The following RIT2 variants were observed in gnomAD, a reference collection of about 807,000 sequenced individuals.
RIT2 encodes the protein Ras like without CAAX 2.
In RIT2, 24 loss-of-function variants were observed where a neutral mutation model predicts 23.7. The ratio of observed to expected loss-of-function variants is 1.01; its 90% CI spans 0.73 to 1.43. The LOEUF (loss-of-function observed/expected upper bound fraction) is 1.43, where lower values mean the gene tolerates loss of function less well. RIT2 is among the 40% of genes most tolerant of loss of function. RIT2 has a pLI of 0.00. For missense variants in RIT2, 236 were observed against 266.9 expected (o/e 0.88, Z 0.81); for synonymous variants, 107 against 91.1 (o/e 1.17, Z -0.99).
intron 4 of RIT2, among the ~76,000 whole-genome samples, chr18:42,854,272 T>C (rs925543198): frequency 6.6e-6 from 1 of 152,326 alleles, no homozygotes; most frequent in Middle Eastern, 3.4e-3. Flanking sequence ...GAGAAGAAGA[T>C]GATATAACCT....
At chr18:42,987,425 G>GA (rs1288274644) in intron 2 of RIT2, among the ~76,000 whole-genome samples, 1 of 152,056 alleles carries the variant, frequency 6.6e-6, no homozygotes, top group African/African-American at 2.4e-5. Flanking sequence ...CTGAAACAAA[G>GA]ACATCCCAAC....
At position 43,077,487 on chromosome 18, in the gene RIT2, T is replaced by G. The variant is rs918528836; in HGVS notation, c.103+37930A>C. Among the ~76,000 whole-genome samples the G allele has an allele frequency of 3.3e-5, 5 of 152,152 alleles. No individual in the cohort carries two copies. The East Asian group carries it at 9.6e-4, about 29-fold the overall frequency. ...ATTCCAAGGAAAAACATCTTCATGT[T>G]GAGTTTAAGCCTGGCCCTTTGTAAC... On this transcript the variant is annotated intron_variant, in intron 1 of 4. Transcript: ENST00000326695.
At chr18:42,871,283 T>G (rs927522216) in intron 4 of RIT2, among the ~76,000 whole-genome samples, 3 of 152,218 alleles carry the variant, frequency 2.0e-5, no homozygotes, top group Admixed American at 6.5e-5. Flanking sequence ...AAAAACTACA[T>G]TTTAAACTAT....
At chr18:42,917,515 C>G (rs1395512209) in intron 4 of RIT2, among the ~76,000 whole-genome samples, 1 of 152,100 alleles carries the variant, frequency 6.6e-6, no homozygotes, top group Non-Finnish European at 1.5e-5. Flanking sequence ...CCCTTTCACT[C>G]AAGCTACCAT....
chr18:42,795,005 T>C (rs1914124711), intron 4 of RIT2, among the ~76,000 whole-genome samples: 1 of 152,228 alleles, frequency 6.6e-6, no homozygotes, highest in East Asian at 1.9e-4. Context: ...TAAATGTTTT[T>C]CTTTTTTTGA....
chr18:43,000,079 T>C (rs1414501466), intron 2 of RIT2, among the ~76,000 whole-genome samples: 29 of 152,252 alleles, frequency 1.9e-4, no homozygotes, highest in Admixed American at 1.6e-3. Flanking sequence ...ATATAGGTGA[T>C]TGACTTGCAA....
intron 4 of RIT2, among the ~76,000 whole-genome samples, chr18:42,879,651 C>T (rs900881467): frequency 6.6e-6 from 1 of 151,958 alleles, no homozygotes; most frequent in Non-Finnish European, 1.5e-5. Flanking sequence ...TCCTCCTCTA[C>T]CTCCTCCAAA....
intron 1 of RIT2, among the ~76,000 whole-genome samples, chr18:43,092,587 AC>A (rs1913449299): frequency 1.3e-5 from 2 of 152,048 alleles, no homozygotes. Flanking sequence ...TCAAAGACAT[AC>A]TAAGTCCTTC....
At chr18:42,847,924 C>G (rs542031834) in intron 4 of RIT2, among the ~76,000 whole-genome samples, 1 of 150,884 alleles carries the variant, frequency 6.6e-6, no homozygotes, top group East Asian at 1.9e-4. Flanking sequence ...AGGCTGGCTA[C>G]TAGATGATAA....
intron 1 of RIT2, among the ~76,000 whole-genome samples, chr18:43,037,583 T>A (rs563009831): frequency 6.6e-6 from 1 of 152,134 alleles, no homozygotes; most frequent in African/African-American, 2.4e-5. Context: ...CTTATTCTTG[T>A]TTTAGTCTAA....
At chr18:42,832,760 T>C (rs1445557486) in intron 4 of RIT2, among the ~76,000 whole-genome samples, 1 of 152,058 alleles carries the variant, frequency 6.6e-6, no homozygotes, top group Non-Finnish European at 1.5e-5. Context: ...ATATTATAAT[T>C]TATTCTTTCT....
chr18:43,112,852 G>C (rs376419510), intron 1 of RIT2, among the ~76,000 whole-genome samples: 184 of 152,226 alleles, frequency 1.2e-3, no homozygotes, highest in African/African-American at 4.3e-3. Flanking sequence ...GGCTGACTTG[G>C]ACTTGACTCT....
rs758779733 is a variant in RIT2 at position 43,115,635 on chromosome 18, G to A, written c.-116C>T. ...AAGCAAAGGTTTTAGTACGAGGTAA[G>A]AACCATCAGCGTCGGGCTGGCTGCT... On this transcript the variant is annotated 5_prime_UTR_variant, in exon 1 of 5. Transcript: ENST00000326695. The A allele has an allele frequency of 7.1e-7, 1 of 1,410,278 alleles. No individual in the cohort carries two copies. Among genetic ancestry groups the A allele is most frequent in the Non-Finnish European group, 9.3e-7 (1 of 1,077,830 alleles). 87.4% of individuals were successfully genotyped at this position (1,410,278 alleles called of 1,614,324 possible).
At chr18:42,824,497 ATTGCTAC>A (rs897691548) in intron 4 of RIT2, among the ~76,000 whole-genome samples, 1 of 152,034 alleles carries the variant, frequency 6.6e-6, no homozygotes, top group African/African-American at 2.4e-5. Flanking sequence ...GATTCATTTC[ATTGCTAC>A]TTTTCAACCT....
chr18:42,935,715 C>A (rs551669560), intron 3 of RIT2, among the ~76,000 whole-genome samples: 1 of 152,100 alleles, frequency 6.6e-6, no homozygotes, highest in South Asian at 2.1e-4. Flanking sequence ...GAACAAAGTG[C>A]GCAAAGTAAC....
rs115629989 is a variant in RIT2 at position 43,046,542 on chromosome 18, G to A, written c.104-12675C>T. ...GGCTTCTAGTCACCTGACAGGCAGA[G>A]GCCTTGGCTCCCTAGAGACTGCGAA... On this transcript the variant is annotated intron_variant, in intron 1 of 4. Transcript: ENST00000326695. Among the ~76,000 whole-genome samples the A allele has an allele frequency of 1.9e-3, 282 of 152,284 alleles. 1 individual carries two copies. Among genetic ancestry groups the A allele is most frequent in the African/African-American group, 6.4e-3 (268 of 41,566 alleles).
intron 1 of RIT2, among the ~76,000 whole-genome samples, chr18:43,101,537 A>T (rs556351676): frequency 2.8e-4 from 42 of 152,318 alleles, no homozygotes; most frequent in African/African-American, 8.7e-4. Context: ...GTGCAACATT[A>T]AGAGATCTAG....
At chr18:43,067,046 T>C (rs1252829867) in intron 1 of RIT2, among the ~76,000 whole-genome samples, 2 of 151,834 alleles carry the variant, frequency 1.3e-5, no homozygotes, top group African/African-American at 4.8e-5. Flanking sequence ...GATAACTATA[T>C]GGAGAAGAAT....
intron 3 of RIT2, among the ~76,000 whole-genome samples, chr18:42,953,028 T>C (rs182295597): frequency 6.6e-6 from 1 of 152,022 alleles, no homozygotes; most frequent in Admixed American, 6.6e-5. Context: ...TTCATTGTTA[T>C]CTTCCTCTGC....
Sources: allele counts gnomAD v4.1 joint callset (sites outside exome capture counted in the v4.1 genomes callset), GRCh38; gene constraint gnomAD v4.1.1; transcripts MANE v1.5; gene names NCBI Gene and HGNC (gene_info 2026-07-23, HGNC 2026-07-21).